Variants in FRAS1 observed in about 807,000 individuals in gnomAD.
FRAS1 encodes the protein extracellular matrix organizing protein FRAS1.
Under a neutral mutation model 435.2 loss-of-function variants are expected in FRAS1, and 290 were observed. That is an observed-to-expected ratio of 0.67 (90% confidence interval 0.61 to 0.73). FRAS1 has a LOEUF of 0.73. Among genes scored for constraint, FRAS1 ranks in the 30% least tolerant of loss-of-function variants. FRAS1 has a pLI of 0.00. For synonymous variants in FRAS1, 1,800 were observed against 1,851.0 expected (o/e 0.97, Z 0.71); for missense variants, 4,860 against 5,001.5 (o/e 0.97, Z 0.85).
intron 2 of FRAS1, among the ~76,000 whole-genome samples, chr4:78,218,809 A>G (rs1723918691): frequency 6.6e-6 from 1 of 152,212 alleles, no homozygotes; most frequent in Non-Finnish European, 1.5e-5. Context: ...AAGGTGACAC[A>G]TGTAGTTTGC....
Position 78,412,996 on chromosome 4 carries a change from C to G in FRAS1, c.4336C>G (p.Arg1446Gly). 1 of 1,608,324 alleles carries G rather than the reference C, an allele frequency of 6.2e-7. No individual in the cohort carries two copies. The highest frequency in any genetic ancestry group is 8.5e-7 in the Non-Finnish European group (1 of 1,177,614). The stretch of plus-strand genomic sequence containing the variant: ...GTCCAGTGCCTCCAATGCCCAGACC[C>G]GCCTGGAGAGCCACATGTTCAACAT... ...EVSSASNAQT[R>G]LESHMFNIAI... The change falls in exon 32 of 74, where the codon CGC becomes GGC. Residue 1446 changes from arginine (R) to glycine (G), a missense_variant. Transcript: ENST00000512123.
At chr4:78,536,188 T>C (rs1304914297) in intron 71 of FRAS1, among the ~76,000 whole-genome samples, 3 of 137,040 alleles carry the variant, frequency 2.2e-5, no homozygotes, top group African/African-American at 5.6e-5. Flanking sequence ...ATTTTGTACA[T>C]GGATTTTTTT....
chr4:78,400,510 A>G (rs193253961), intron 29 of FRAS1, among the ~76,000 whole-genome samples: 1 of 152,234 alleles, frequency 6.6e-6, no homozygotes, highest in Admixed American at 6.5e-5. Flanking sequence ...TTGTTGGTTC[A>G]TGATAAACTA....
chr4:78,306,849 C>G (rs28803795), intron 14 of FRAS1, among the ~76,000 whole-genome samples: 6,334 of 152,216 alleles, frequency 0.042, 371 homozygotes, highest in African/African-American at 0.13. Flanking sequence ...TTGTCTGAAG[C>G]CTTCTTCTTT....
At chr4:78,062,691 G>C (rs1208966196) in intron 1 of FRAS1, among the ~76,000 whole-genome samples, 1 of 152,086 alleles carries the variant, frequency 6.6e-6, no homozygotes, top group East Asian at 1.9e-4. Context: ...ATGTGCAAAA[G>C]GGATTAAAAA....
chr4:78,345,447 T>C, intron 20 of FRAS1, among the ~76,000 whole-genome samples: 1 of 152,182 alleles, frequency 6.6e-6, no homozygotes, highest in South Asian at 2.1e-4. Flanking sequence ...ATCTTTCTTC[T>C]TAGTGTGAGT....
At chr4:78,258,594 C>T (rs866324329) in intron 6 of FRAS1, among the ~76,000 whole-genome samples, 1 of 125,932 alleles carries the variant, frequency 7.9e-6, no homozygotes, top group Non-Finnish European at 1.8e-5. Flanking sequence ...TAATTTTACT[C>T]TATTGCATTC....
intron 3 of FRAS1, among the ~76,000 whole-genome samples, chr4:78,242,140 A>G (rs1368711949): frequency 6.6e-6 from 1 of 152,232 alleles, no homozygotes; most frequent in African/African-American, 2.4e-5. Context: ...AAATAGGATC[A>G]TAGAATGGAA....
chr4:78,330,963 T>G (rs893440948), intron 18 of FRAS1, among the ~76,000 whole-genome samples: 10 of 152,180 alleles, frequency 6.6e-5, no homozygotes, highest in African/African-American at 2.4e-4. Context: ...TTTTACGGTT[T>G]GTGGGGCATC....
At chr4:78,237,981 C>A (rs1300985200) in intron 3 of FRAS1, among the ~76,000 whole-genome samples, 3 of 152,164 alleles carry the variant, frequency 2.0e-5, no homozygotes, top group Non-Finnish European at 4.4e-5. Context: ...CATGATCATG[C>A]AATTAATAAA....
intron 22 of FRAS1, among the ~76,000 whole-genome samples, chr4:78,366,855 G>T (rs963889673): frequency 6.6e-6 from 1 of 152,156 alleles, no homozygotes; most frequent in Admixed American, 6.5e-5. Flanking sequence ...CGGAAGCTGA[G>T]AACCCGAGGG....
intron 30 of FRAS1, among the ~76,000 whole-genome samples, chr4:78,404,745 A>T (rs1733036895): frequency 6.6e-6 from 1 of 152,222 alleles, no homozygotes; most frequent in African/African-American, 2.4e-5. Flanking sequence ...GTCTTAGTTC[A>T]GGTTCCCATC....
intron 54 of FRAS1, 119 bp downstream of exon 54, chr4:78,475,725 T>C (rs1578346246): frequency 1.1e-6 from 1 of 894,700 alleles, no homozygotes; most frequent in East Asian, 2.6e-5. Context: ...CTTCTTCAAG[T>C]ATTAAATAGT....
chr4:78,105,608 C>A (rs928690155), intron 2 of FRAS1, among the ~76,000 whole-genome samples: 3 of 152,084 alleles, frequency 2.0e-5, no homozygotes, highest in African/African-American at 7.2e-5. Context: ...GATGTGTGTT[C>A]CTCACCATCG....
intron 61 of FRAS1, among the ~76,000 whole-genome samples, chr4:78,501,065 C>G (rs2109875389): frequency 6.6e-6 from 1 of 152,266 alleles, no homozygotes. Context: ...TTGCTGCACC[C>G]ATTAACTCGT....
At chr4:78,534,672 G>A (rs1185842651) in intron 71 of FRAS1, 57 bp downstream of exon 71, 2 of 1,538,058 alleles carry the variant, frequency 1.3e-6, no homozygotes, top group Non-Finnish European at 1.8e-6. Context: ...AGAAGCTTTT[G>A]CTAAGTCACC....
At chr4:78,211,784 C>T (rs1723516598) in intron 2 of FRAS1, among the ~76,000 whole-genome samples, 1 of 152,184 alleles carries the variant, frequency 6.6e-6, no homozygotes, top group South Asian at 2.1e-4. Flanking sequence ...GCAACCATCA[C>T]CATTATATGT....
At chr4:78,246,720 G>A (rs1036083101) in intron 4 of FRAS1, among the ~76,000 whole-genome samples, 5 of 148,398 alleles carry the variant, frequency 3.4e-5, no homozygotes, top group African/African-American at 1.2e-4. Context: ...GAGTTGTTAG[G>A]AGCCAAAATA....
At chr4:78,511,099 C>T (rs1410251679) in intron 63 of FRAS1, among the ~76,000 whole-genome samples, 175 bp from the exon 64 acceptor site, 1 of 152,154 alleles carries the variant, frequency 6.6e-6, no homozygotes, top group Non-Finnish European at 1.5e-5. Flanking sequence ...ACTGATCTGT[C>T]TCAAGTGTCT....
Sources: gnomAD v4.1 joint callset for allele counts (sites outside exome capture counted in the v4.1 genomes callset) on GRCh38, gnomAD v4.1.1 for gene constraint, MANE v1.5 for transcripts, NCBI Gene and HGNC (gene_info 2026-07-23, HGNC 2026-07-21) for gene names.